The following ATP6V1D variants were observed in gnomAD, a reference collection of about 807,000 sequenced individuals.
The protein encoded by ATP6V1D is V-type proton ATPase subunit D.
Under a neutral mutation model 39.4 loss-of-function variants are expected in ATP6V1D, and 20 were observed. That is an observed-to-expected ratio of 0.51 (90% confidence interval 0.36 to 0.74). The LOEUF (loss-of-function observed/expected upper bound fraction) is 0.74, where lower values mean the gene tolerates loss of function less well. ATP6V1D is among the 30% of genes least tolerant of loss of function. The probability of loss-of-function intolerance (pLI) is 0.00; values close to 1 mark genes in which losing one functional copy is unlikely to be tolerated. For synonymous variants in ATP6V1D, 100 were observed against 100.5 expected (o/e 0.99, Z 0.03); for missense variants, 228 against 291.6 (o/e 0.78, Z 1.59).
chr14:67,341,260 G>A (rs1232835768), intron 7 of ATP6V1D, among the ~76,000 whole-genome samples: 1 of 151,990 alleles, frequency 6.6e-6, no homozygotes, highest in Non-Finnish European at 1.5e-5. Context: ...CATCGTCTGA[G>A]ATGTGGGGAG....
At chr14:67,354,128 A>G (rs2085671596) in intron 1 of ATP6V1D, among the ~76,000 whole-genome samples, 1 of 152,212 alleles carries the variant, frequency 6.6e-6, no homozygotes, top group Non-Finnish European at 1.5e-5. Context: ...AAGTATTGTT[A>G]TAGCAGCAGA....
At chr14:67,359,593 T>C (rs887225755) in intron 1 of ATP6V1D, 65 bp downstream of exon 1, 6 of 1,579,122 alleles carry the variant, frequency 3.8e-6, no homozygotes, top group Non-Finnish European at 5.2e-6. Context: ...TGGCCCAGGG[T>C]CTGAAGGGAC....
intron 6 of ATP6V1D, 58 bp downstream of exon 6, chr14:67,345,710 C>T (rs990637426): frequency 2.8e-5 from 34 of 1,195,432 alleles, no homozygotes; most frequent in Non-Finnish European, 4.1e-5. Context: ...CCTGACTCTC[C>T]TCCACTTGAC....
intron 5 of ATP6V1D, 31 bp downstream of exon 5, chr14:67,347,378 C>G (rs1296313059): frequency 6.4e-7 from 1 of 1,553,862 alleles, no homozygotes; most frequent in Admixed American, 1.7e-5. Flanking sequence ...ATCCCAGAGA[C>G]ACAAAGTAAT....
intron 2 of ATP6V1D, 31 bp from the exon 3 acceptor site, chr14:67,350,721 A>G (rs781540534): frequency 1.4e-5 from 22 of 1,584,972 alleles, no homozygotes; most frequent in Non-Finnish European, 5.2e-6. Context: ...AGCAGATTCA[A>G]CCAAGCCTTT....
chr14:67,358,465 C>T (rs534797221), intron 1 of ATP6V1D, among the ~76,000 whole-genome samples: 62 of 152,236 alleles, frequency 4.1e-4, no homozygotes, highest in Middle Eastern at 3.4e-3. Flanking sequence ...CAACAAAACA[C>T]CCCCACAGAG....
intron 3 of ATP6V1D, 62 bp downstream of exon 3, chr14:67,350,549 A>G: frequency 1.4e-6 from 2 of 1,414,444 alleles, no homozygotes; most frequent in Non-Finnish European, 2.0e-6. Flanking sequence ...TGCTTTTTAA[A>G]TGAAATTATG....
At chr14:67,339,711 G>GA (rs2085565337) in intron 8 of ATP6V1D, among the ~76,000 whole-genome samples, 1 of 152,280 alleles carries the variant, frequency 6.6e-6, no homozygotes. Flanking sequence ...TCCTGAACAT[G>GA]AAATACATAT....
At chr14:67,340,974 T>G (rs1002392224) in intron 7 of ATP6V1D, among the ~76,000 whole-genome samples, 38 of 152,214 alleles carry the variant, frequency 2.5e-4, no homozygotes, top group African/African-American at 9.2e-4. Context: ...GTTCACTCAG[T>G]GCTCAATGGT....
intron 7 of ATP6V1D, among the ~76,000 whole-genome samples, chr14:67,340,936 G>A (rs887994050): frequency 6.6e-6 from 1 of 152,220 alleles, no homozygotes; most frequent in Admixed American, 6.5e-5. Context: ...TCGGCCTCCC[G>A]AGGTGCCGGG....
In ATP6V1D at chr14:67,338,729, T is replaced by C. The variant is rs2085557649; in HGVS notation, c.636A>G (p.Leu212=). 3.1e-6 allele frequency: 5 copies of C among 1,613,460 alleles called. No individual in the cohort carries two copies. The highest frequency in any genetic ancestry group is 2.7e-5 in the African/African-American group (2 of 74,918). The change falls in exon 9 of 9, where the codon CTA becomes CTG. Residue 212 remains leucine (L), a synonymous_variant. Transcript: ENST00000216442. ...CCAAGTCCTTCTCAGATTTTTCCTTTAGAATCTTTTTCTTCTCTTGTATTT... is the reference window on the plus strand; with the variant it reads ...CCAAGTCCTTCTCAGATTTTTCCTTCAGAATCTTTTTCTTCTCTTGTATTT... ...LKKIQEKKKI[L]KEKSEKDLEQ...
chr14:67,338,775 G>C lies in ATP6V1D; in HGVS notation c.603-13C>G, dbSNP rs2085557919. ...TATTTTCTTTAACCTGTAAAATACA[G>C]GTGGGGGTGGATTTTTTAAACACTG... On this transcript the variant is annotated splice_polypyrimidine_tract_variant and intron_variant, in intron 8 of 8. Transcript: ENST00000216442. 1 of 1,599,694 alleles carries C rather than the reference G, an allele frequency of 6.3e-7. No homozygotes were observed. Among genetic ancestry groups the C allele is most frequent in the African/African-American group, 1.3e-5 (1 of 74,090 alleles).
Position 67,345,770 on chromosome 14 carries a change from G to T in ATP6V1D, c.454C>A (p.Gln152Lys). Reference protein sequence around the residue: ...VELLVELASLQTSFVTLDEAI... With the variant: ...VELLVELASLKTSFVTLDEAI... ...TCTCCAGGTCTTTTGCTACTTACCT[G>T]CAGAGAAGCTAGTTCCACCAGTAGT... is the stretch of plus-strand genomic sequence containing the variant. The change falls in exon 6 of 9, where the codon CAG (glutamine) becomes AAG (lysine). Residue 152 changes from glutamine to lysine, a missense_variant and splice_region_variant. Physicochemically the swap from Gln to Lys is moderately conservative, Grantham distance 53. Transcript: ENST00000216442. The T allele has an allele frequency of 6.2e-7, 1 of 1,609,786 alleles. No individual in the cohort carries two copies. Among genetic ancestry groups the T allele is most frequent in the Non-Finnish European group, 8.5e-7 (1 of 1,176,192 alleles).
chr14:67,340,615 T>C, intron 7 of ATP6V1D, 97 bp from the exon 8 acceptor site: 1 of 1,039,976 alleles, frequency 9.6e-7, no homozygotes, highest in Non-Finnish European at 1.4e-6. Flanking sequence ...TTCCTAATTG[T>C]AAAATTAATG....
chr14:67,345,203 C>T (rs1389253562), intron 6 of ATP6V1D, among the ~76,000 whole-genome samples: 1 of 151,898 alleles, frequency 6.6e-6, no homozygotes, highest in Non-Finnish European at 1.5e-5. Flanking sequence ...GATTATGCCA[C>T]TGCACTCCAG....
intron 1 of ATP6V1D, among the ~76,000 whole-genome samples, chr14:67,355,246 A>T (rs940940813): frequency 1.3e-5 from 2 of 152,054 alleles, no homozygotes; most frequent in African/African-American, 4.8e-5. Flanking sequence ...CAAATGACAT[A>T]CGTAAGATTC....
At chr14:67,359,612 G>A (rs1369193184) in intron 1 of ATP6V1D, 46 bp downstream of exon 1, 16 of 1,610,204 alleles carry the variant, frequency 9.9e-6, no homozygotes, top group Non-Finnish European at 1.4e-5. Context: ...ACCGCGCTCC[G>A]GGTTCCTAAA....
At chr14:67,357,731 TAA>T (rs1197253107) in intron 1 of ATP6V1D, among the ~76,000 whole-genome samples, 1 of 152,126 alleles carries the variant, frequency 6.6e-6, no homozygotes, top group African/African-American at 2.4e-5. Context: ...CTGGCCATTT[TAA>T]AAAAGAGAGT....
chr14:67,351,635 A>G (rs972951186), intron 2 of ATP6V1D, among the ~76,000 whole-genome samples: 2 of 152,068 alleles, frequency 1.3e-5, no homozygotes, highest in African/African-American at 4.8e-5. Flanking sequence ...CAGGCTCCCA[A>G]GTAGCTGGGA....
Sources: gnomAD v4.1 joint callset for allele counts (sites outside exome capture counted in the v4.1 genomes callset) on GRCh38, gnomAD v4.1.1 for gene constraint, MANE v1.5 for transcripts, NCBI Gene and HGNC (gene_info 2026-07-23, HGNC 2026-07-21) for gene names.